RGS6: variants seen among roughly 807,000 people sequenced by gnomAD.
RGS6 encodes the protein regulator of G-protein signaling 6.
In RGS6, 30 loss-of-function variants were observed where a neutral mutation model predicts 78.5. The observed-to-expected ratio is 0.38, with a 90% CI of 0.29 to 0.52. The LOEUF (loss-of-function observed/expected upper bound fraction) is 0.52, where lower values mean the gene tolerates loss of function less well. Among genes scored for constraint, RGS6 ranks in the 20% least tolerant of loss-of-function variants. RGS6 has a pLI of 0.85. For synonymous variants in RGS6, 206 were observed against 206.0 expected, an observed-to-expected ratio of 1.00 and a Z score of 0.00; for missense variants, 495 against 609.7, an observed-to-expected ratio of 0.81 and a Z score of 1.98.
At chr14:72,283,741 C>G (rs2152270567) in intron 2 of RGS6, among the ~76,000 whole-genome samples, 1 of 152,188 alleles carries the variant, frequency 6.6e-6, no homozygotes, top group East Asian at 1.9e-4. Context: ...GGGTAGGGAG[C>G]TATTGTAAAG....
intron 2 of RGS6, among the ~76,000 whole-genome samples, chr14:72,171,022 C>G (rs1380741529): frequency 3.9e-5 from 6 of 152,136 alleles, no homozygotes; most frequent in African/African-American, 1.4e-4. Context: ...GTTAAGAAAT[C>G]TAGGTAATTT....
chr14:71,956,357 G>A (rs56387020), intron 1 of RGS6, among the ~76,000 whole-genome samples: 83,213 of 150,346 alleles, frequency 0.55, 23,236 homozygotes, highest in South Asian at 0.61. Flanking sequence ...GTGTGTGTGT[G>A]TATATTCTAT....
intron 2 of RGS6, among the ~76,000 whole-genome samples, chr14:72,339,462 C>T (rs190318828): frequency 1.7e-4 from 26 of 152,260 alleles, no homozygotes; most frequent in Non-Finnish European, 2.8e-4. Flanking sequence ...ACTAAAATGC[C>T]ATTGTACCTT....
intron 2 of RGS6, among the ~76,000 whole-genome samples, chr14:72,281,185 G>A (rs553920642): frequency 1.6e-5 from 2 of 124,368 alleles, no homozygotes; most frequent in Non-Finnish European, 3.1e-5. Flanking sequence ...GTCTCGCTCT[G>A]TCATCCAGGC....
intron 2 of RGS6, among the ~76,000 whole-genome samples, chr14:72,167,308 T>C (rs1477624614): frequency 2.0e-5 from 3 of 152,222 alleles, no homozygotes; most frequent in Non-Finnish European, 2.9e-5. Flanking sequence ...TTGAAGCATC[T>C]AAGTCAGTGA....
the RGS6 span, among the ~76,000 whole-genome samples, chr14:72,580,826 G>A: frequency 6.6e-6 from 1 of 152,172 alleles, no homozygotes; most frequent in African/African-American, 2.4e-5. Context: ...ACTTACCTGG[G>A]CCTCAGGAGT....
intron 2 of RGS6, among the ~76,000 whole-genome samples, chr14:72,244,021 C>T (rs998916272): frequency 6.6e-6 from 1 of 152,120 alleles, no homozygotes; most frequent in Non-Finnish European, 1.5e-5. Flanking sequence ...AAGATAGAAA[C>T]AGCAGTTATA....
chr14:72,118,319 C>T lies in RGS6; in HGVS notation c.84+153444C>T, dbSNP rs74762218. Among the ~76,000 whole-genome samples, 1,064 of 152,230 alleles carry T rather than the reference C, an allele frequency of 7.0e-3. 12 individuals are homozygous for T. Among genetic ancestry groups the T allele is most frequent in the African/African-American group, 0.025 (1,019 of 41,524 alleles). ...TGCTCTTTTCCCTTGGATCAGAAAG[C>T]CTTTTCTCTGTGGATTATTTCCCTC... On this transcript the variant is annotated intron_variant, in intron 2 of 17. Coordinates refer to ENST00000553525, the MANE Select transcript of RGS6 (RefSeq NM_001204424.2).
chr14:72,472,639 A>G (rs1054775458), intron 8 of RGS6, among the ~76,000 whole-genome samples: 2 of 152,168 alleles, frequency 1.3e-5, no homozygotes, highest in African/African-American at 2.4e-5. Flanking sequence ...ATGTATGGCA[A>G]TCTGTAATCT....
chr14:72,053,152 G>A (rs1440773111), intron 2 of RGS6, among the ~76,000 whole-genome samples: 1 of 128,104 alleles, frequency 7.8e-6, no homozygotes, highest in Admixed American at 8.5e-5. Flanking sequence ...ATGGAGTCTC[G>A]CTCTGTCACC....
At chr14:72,281,753 G>T (rs1465245639) in intron 2 of RGS6, among the ~76,000 whole-genome samples, 4 of 152,260 alleles carry the variant, frequency 2.6e-5, no homozygotes, top group African/African-American at 9.6e-5. Flanking sequence ...GAATGAGCTT[G>T]GTGTCCTTGG....
chr14:71,923,831 G>T, the RGS6 span, among the ~76,000 whole-genome samples: 1 of 152,126 alleles, frequency 6.6e-6, no homozygotes, highest in Non-Finnish European at 1.5e-5. Context: ...ACTTTTGTAG[G>T]GGGGTGGGGC....
At chr14:71,923,105 G>T in the RGS6 span, among the ~76,000 whole-genome samples, 1 of 152,100 alleles carries the variant, frequency 6.6e-6, no homozygotes, top group Non-Finnish European at 1.5e-5. Context: ...TTTTTTATTG[G>T]TCATAATTTC....
chr14:72,215,663 C>G (rs896865476), intron 2 of RGS6, among the ~76,000 whole-genome samples: 3 of 151,988 alleles, frequency 2.0e-5, no homozygotes, highest in Non-Finnish European at 4.4e-5. Context: ...CAGAGGAGAA[C>G]AAAGGAAGGA....
intron 3 of RGS6, among the ~76,000 whole-genome samples, chr14:72,392,699 A>G (rs538649074): frequency 1.3e-5 from 2 of 152,248 alleles, no homozygotes; most frequent in Non-Finnish European, 2.9e-5. Context: ...AGGAAAGGAG[A>G]TCTGGGGGAG....
chr14:72,304,909 T>C (rs141682639), intron 2 of RGS6, among the ~76,000 whole-genome samples: 1 of 151,966 alleles, frequency 6.6e-6, no homozygotes, highest in Non-Finnish European at 1.5e-5. Context: ...TTAATAAACA[T>C]TGCCAATTGC....
rs116128582 is a variant in RGS6, at chr14:72,183,415, G to A, written c.85-168680G>A. Among the ~76,000 whole-genome samples, 451 of 152,258 alleles carry A rather than the reference G, an allele frequency of 3.0e-3. 1 individual carries two copies. The highest frequency in any genetic ancestry group is 0.01 in the African/African-American group (434 of 41,530). ...TGTAGGATTAATAGACTCTGGGTCT[G>A]GCCTAGTACTTATATTGTAGGTCTA... On this transcript the variant is annotated intron_variant, in intron 2 of 17. Transcript: ENST00000553525.
chr14:71,930,906 G>A (rs2087810167), upstream of RGS6, among the ~76,000 whole-genome samples: 1 of 145,664 alleles, frequency 6.9e-6, no homozygotes, highest in Admixed American at 7.0e-5. Flanking sequence ...GAACCTGGGA[G>A]GCGGAGGTTG....
At chr14:72,128,522 T>C (rs758488312) in intron 2 of RGS6, among the ~76,000 whole-genome samples, 41 of 152,250 alleles carry the variant, frequency 2.7e-4, no homozygotes, top group Middle Eastern at 3.4e-3. Context: ...AACCTGGAAA[T>C]GTGATAGCAT....
Sources: allele counts gnomAD v4.1 joint callset (sites outside exome capture counted in the v4.1 genomes callset), GRCh38; gene constraint gnomAD v4.1.1; transcripts MANE v1.5; gene names NCBI Gene and HGNC (gene_info 2026-07-23, HGNC 2026-07-21).